ADGRL1: variants seen among roughly 807,000 people sequenced by gnomAD.
The protein encoded by ADGRL1 is adhesion G protein-coupled receptor L1, also known as CIRL-1.
A neutral mutation model predicts 148.9 loss-of-function variants in ADGRL1; 31 were observed. The ratio of observed to expected loss-of-function variants is 0.21; its 90% CI spans 0.16 to 0.28. The LOEUF is 0.28. Among genes scored for constraint, ADGRL1 ranks in the 10% least tolerant of loss-of-function variants. The pLI is 1.00. For missense variants in ADGRL1, 1,521 were observed against 2,058.8 expected (o/e 0.74, Z 5.05); for synonymous variants, 937 against 900.3 (o/e 1.04, Z -0.73).
chr19:14,188,195 T>C (rs1430121830), intron 1 of ADGRL1, among the ~76,000 whole-genome samples: 1 of 152,164 alleles, frequency 6.6e-6, no homozygotes, highest in Non-Finnish European at 1.5e-5. Context: ...TTTTGCCTTA[T>C]ACATGCCCTG....
chr19:14,160,324 G>T lies in ADGRL1; in HGVS notation c.1615-27C>A, dbSNP rs1235537744. On this transcript the variant is annotated intron_variant, in intron 7 of 22. Transcript: ENST00000361434. This position sits in a 1 kb window ranked among gnomAD's most constrained non-coding sequence, Gnocchi z 5.9. ...TGCATGAGGTGGGGGCGGGAAGGGG[G>T]AATCCCAGGACTGTCAGGGACCATC... 4 of 1,570,624 alleles carry T rather than the reference G, an allele frequency of 2.5e-6. No homozygotes were observed. The Admixed American group carries it at 5.1e-5, about 20-fold the overall frequency.
Position 14,155,666 on chromosome 19 carries a change from C to A in ADGRL1, c.3126-139G>T. 5 of 824,640 alleles carry A rather than the reference C, an allele frequency of 6.1e-6. No individual in the cohort carries two copies. The South Asian group carries it at 8.8e-5, about 15-fold the overall frequency. The allele number at this position is 824,640 out of a possible 1,614,324, so 51.1% of individuals were successfully genotyped here. On this transcript the variant is annotated intron_variant, in intron 17 of 22. Coordinates refer to ENST00000361434, the MANE Select transcript of ADGRL1 (RefSeq NM_014921.5). This position sits in a 1 kb window ranked among gnomAD's most constrained non-coding sequence, Gnocchi z 5.0. The stretch of plus-strand genomic sequence containing the variant: ...AAAGCCCTGAGCGGGCCGAGTGGGC[C>A]TTGGGGGCAGTGGCCTGCCCAGGAC...
intron 3 of ADGRL1, among the ~76,000 whole-genome samples, chr19:14,172,605 T>C (rs1242886283): frequency 1.3e-5 from 2 of 151,852 alleles, no homozygotes; most frequent in Admixed American, 1.3e-4. Context: ...CCAGGCGTGG[T>C]GGGGCGCACC....
Position 14,150,735 on chromosome 19 carries a change from G to A in ADGRL1, c.*138C>T, listed in dbSNP as rs1968075863. On this transcript the variant is annotated 3_prime_UTR_variant, in exon 23 of 23. Transcript: ENST00000361434. ...CAGGTTAGAGTCCCCTGAGGGGACT[G>A]TAGGGCCCATGGCTGAGGGGCACCT... 6 of 1,053,898 alleles carry A rather than the reference G, an allele frequency of 5.7e-6. No homozygotes were observed. The highest frequency in any genetic ancestry group is 3.2e-5 in the African/African-American group (2 of 62,208). 65.3% of individuals were successfully genotyped at this position (1,053,898 alleles called of 1,614,324 possible).
chr19:14,183,752 C>G, intron 1 of ADGRL1, 55 bp from the exon 2 acceptor site: 1 of 653,666 alleles, frequency 1.5e-6, no homozygotes, highest in African/African-American at 1.8e-5. Flanking sequence ...CCGCTCCCCT[C>G]TCCTCCTGCT....
intron 4 of ADGRL1, among the ~76,000 whole-genome samples, chr19:14,167,329 TA>T (rs1216240000): frequency 2.0e-5 from 3 of 146,626 alleles, no homozygotes; most frequent in East Asian, 2.0e-4. Flanking sequence ...ACAGGGGTGG[TA>T]GGGGGGTACA....
rs747699836 is a variant in ADGRL1 at position 14,155,126 on chromosome 19, C to T, written c.3294+233G>A. ...CCAAATCTGTTCTGCTCTCACTCCT[C>T]TAAGTTGCTGTATCTTGTTTTCCAG... is the stretch of plus-strand genomic sequence containing the variant. On this transcript the variant is annotated intron_variant, in intron 18 of 22. Coordinates refer to ENST00000361434, the MANE Select transcript of ADGRL1 (RefSeq NM_014921.5). This position sits in a 1 kb window ranked among gnomAD's most constrained non-coding sequence, Gnocchi z 5.0. 21 of 383,658 alleles carry T rather than the reference C, an allele frequency of 5.5e-5. No individual in the cohort carries two copies. Among genetic ancestry groups the T allele is most frequent in the Non-Finnish European group, 9.7e-5 (20 of 206,778 alleles). 23.8% of individuals were successfully genotyped at this position (383,658 alleles called of 1,614,324 possible).
Position 14,157,257 on chromosome 19 carries a change from C to T in ADGRL1, c.2739G>A (p.Gln913=). ...CCCTAGAGTCCCAGCCCACCTCATACTGAGTCTTGTCGATCCCGACCAGGA... is the reference window on the plus strand; with the variant it reads ...CCCTAGAGTCCCAGCCCACCTCATATTGAGTCTTGTCGATCCCGACCAGGA... ...LLFLVGIDKT[Q]YEIACPIFAG... The change falls in exon 14 of 23, where the codon CAG becomes CAA. Residue 913 remains glutamine, a synonymous_variant. Coordinates refer to ENST00000361434, the MANE Select transcript of ADGRL1 (RefSeq NM_014921.5). The surrounding 1 kb of genome is among the most constrained non-coding windows in gnomAD (Gnocchi z 7.5). 1 of 1,614,132 alleles carries T rather than the reference C, an allele frequency of 6.2e-7. No individual in the cohort carries two copies.
chr19:14,187,247 G>C (rs1331396634), intron 1 of ADGRL1, among the ~76,000 whole-genome samples: 2 of 152,198 alleles, frequency 1.3e-5, no homozygotes. Flanking sequence ...GCTGAGGCAC[G>C]AGAACTGGTT....
At chr19:14,185,799 G>A (rs1365838781) in intron 1 of ADGRL1, among the ~76,000 whole-genome samples, 1 of 152,186 alleles carries the variant, frequency 6.6e-6, no homozygotes, top group East Asian at 1.9e-4. Flanking sequence ...CAAAACCCTT[G>A]TAATTGGCCC....
intron 15 of ADGRL1, 94 bp from the exon 16 acceptor site, chr19:14,156,818 G>A: frequency 6.6e-7 from 1 of 1,517,024 alleles, no homozygotes; most frequent in Non-Finnish European, 9.0e-7. Flanking sequence ...TGCAGCCTCT[G>A]GGATCAGGAG....
intron 1 of ADGRL1, among the ~76,000 whole-genome samples, chr19:14,198,857 G>C (rs570845143): frequency 2.6e-5 from 4 of 152,162 alleles, no homozygotes; most frequent in Non-Finnish European, 5.9e-5. Context: ...CAACTCTGTT[G>C]CGCTCACCAT....
In ADGRL1 at chr19:14,157,259, G is replaced by A; in HGVS notation, c.2737C>T (p.Gln913Ter). The change falls in exon 14 of 23, where the codon CAG (glutamine) becomes TAG (stop). Residue 913 changes from glutamine to a stop codon, truncating the protein, a stop_gained. Coordinates refer to ENST00000361434, the MANE Select transcript of ADGRL1 (RefSeq NM_014921.5). LOFTEE classifies it high-confidence loss of function. This position sits in a 1 kb window ranked among gnomAD's most constrained non-coding sequence, Gnocchi z 7.5. ...CTAGAGTCCCAGCCCACCTCATACT[G>A]AGTCTTGTCGATCCCGACCAGGAAG... ...LLFLVGIDKT[Q>*]YEIACPIFAG... 1 of 1,614,078 alleles carries A rather than the reference G, an allele frequency of 6.2e-7. No homozygotes were observed. Among genetic ancestry groups the A allele is most frequent in the Non-Finnish European group, 8.5e-7 (1 of 1,180,018 alleles).
intron 1 of ADGRL1, among the ~76,000 whole-genome samples, chr19:14,205,002 C>T (rs1972889903): frequency 6.6e-6 from 1 of 151,968 alleles, no homozygotes; most frequent in Non-Finnish European, 1.5e-5. Context: ...GAGGTGTTGG[C>T]CAGGGATGGG....
intron 4 of ADGRL1, among the ~76,000 whole-genome samples, chr19:14,167,813 C>G (rs1970121606): frequency 6.6e-6 from 1 of 152,128 alleles, no homozygotes. Context: ...AGTGGGGGCA[C>G]AGACACGCTC....
At chr19:14,154,901 G>C (rs1464884125) in intron 18 of ADGRL1, among the ~76,000 whole-genome samples, 1 of 152,200 alleles carries the variant, frequency 6.6e-6, no homozygotes, top group African/African-American at 2.4e-5. Flanking sequence ...ACAGGCGTGA[G>C]CCACCGTGTC....
Position 14,160,069 on chromosome 19 carries a change from G to C in ADGRL1, c.1800+43C>G, listed in dbSNP as rs760542891. On this transcript the variant is annotated intron_variant, in intron 8 of 22. Coordinates refer to ENST00000361434, the MANE Select transcript of ADGRL1 (RefSeq NM_014921.5). The surrounding 1 kb of genome is among the most constrained non-coding windows in gnomAD (Gnocchi z 5.9). ...GGTACTTCCCAAGCCCCTGGGGGCA[G>C]GCGCCCTCCCCATACCAGGTCAGCG... 10 of 1,533,366 alleles carry C rather than the reference G, an allele frequency of 6.5e-6. No homozygotes were observed. The African/African-American group carries it at 6.8e-5, about 10-fold the overall frequency. The allele number at this position is 1,533,366 out of a possible 1,614,324, so 95.0% of individuals were successfully genotyped here.
chr19:14,168,411 CG>C (rs1970184004), intron 4 of ADGRL1, among the ~76,000 whole-genome samples: 1 of 152,140 alleles, frequency 6.6e-6, no homozygotes, highest in African/African-American at 2.4e-5. Context: ...ACATCCACCC[CG>C]TATGTGTGCA....
In ADGRL1 at chr19:14,150,841, T is replaced by TGGGCCACCAGCCCCTGGTCC. The variant is rs756102427; in HGVS notation, c.*12_*31dup. 6.2e-7 allele frequency: 1 copy of TGGGCCACCAGCCCCTGGTCC among 1,601,170 alleles called. No individual in the cohort carries two copies. The highest frequency in any genetic ancestry group is 8.5e-7 in the Non-Finnish European group (1 of 1,174,948). ...CCTGCCCAGGGTTCCCTCCCTGGCCTGGGCCACCAGCCCCTGGTCCATGAG... is the reference window on the plus strand; with the variant it reads ...CCTGCCCAGGGTTCCCTCCCTGGCCTGGGCCACCAGCCCCTGGTCCGGGCCACCAGCCCCTGGTCCATGAG... On this transcript the variant is annotated 3_prime_UTR_variant, in exon 23 of 23. Transcript: ENST00000361434.
Sources: allele counts gnomAD v4.1 joint callset (sites outside exome capture counted in the v4.1 genomes callset), GRCh38; gene constraint gnomAD v4.1.1; non-coding constraint Gnocchi (gnomAD v3.1); transcripts MANE v1.5; gene names NCBI Gene and HGNC (gene_info 2026-07-23, HGNC 2026-07-21).